The following ZNF331 variants were observed in gnomAD, a reference collection of about 807,000 sequenced individuals.
The protein encoded by ZNF331 is C2H2-like zinc finger protein rearranged in thyroid adenomas.
Under a neutral mutation model 7.0 loss-of-function variants are expected in ZNF331, and 2 were observed. The ratio of observed to expected loss-of-function variants is 0.29; its 90% CI spans 0.12 to 0.90. The LOEUF (loss-of-function observed/expected upper bound fraction) is 0.90. Ranked by LOEUF, ZNF331 falls within the 40% of genes least tolerant of loss-of-function variation. ZNF331 has a pLI of 0.58. For synonymous variants in ZNF331, 196 were observed against 205.4 expected, an observed-to-expected ratio of 0.95 and a Z score of 0.39; for missense variants, 432 against 587.7, an observed-to-expected ratio of 0.74 and a Z score of 2.74.
the ZNF331 span, among the ~76,000 whole-genome samples, chr19:53,505,425 C>T: frequency 6.6e-6 from 1 of 152,152 alleles, no homozygotes; most frequent in Non-Finnish European, 1.5e-5. Flanking sequence ...TCTCGAGCTC[C>T]TGGGCTCAAG....
chr19:53,507,552 G>T, the ZNF331 span, among the ~76,000 whole-genome samples: 2 of 152,100 alleles, frequency 1.3e-5, no homozygotes, highest in Admixed American at 1.3e-4. Flanking sequence ...TGGCATTATG[G>T]GGTCCCAAAT....
chr19:53,517,726 G>A (rs1225471240), upstream of ZNF331, among the ~76,000 whole-genome samples: 1 of 152,176 alleles, frequency 6.6e-6, no homozygotes, highest in Non-Finnish European at 1.5e-5. Context: ...GAAGAAAGAA[G>A]CCAGTAGTGG....
At chr19:53,568,687 G>A (rs908784793) in intron 3 of ZNF331, among the ~76,000 whole-genome samples, 2 of 151,204 alleles carry the variant, frequency 1.3e-5, no homozygotes, top group South Asian at 2.1e-4. Flanking sequence ...CCACCCATCC[G>A]TCCCCGACAG....
At chr19:53,546,140 G>GAAAGAAAAAAAAAAAAAAAAAAAAA (rs2088588087) in intron 2 of ZNF331, among the ~76,000 whole-genome samples, 1 of 113,484 alleles carries the variant, frequency 8.8e-6, no homozygotes, top group Non-Finnish European at 1.9e-5. Context: ...TCCTGAGGGG[G>GAAAGAAAAAAAAAAAAAAAAAAAAA]AAAAAAAAAA....
intron 2 of ZNF331, among the ~76,000 whole-genome samples, chr19:53,544,307 A>T (rs2088416426): frequency 6.6e-6 from 1 of 151,120 alleles, no homozygotes; most frequent in Admixed American, 6.6e-5. Flanking sequence ...GCACTTTGGG[A>T]GGCCAAGGTG....
At chr19:53,550,906 A>G (rs527675134) in intron 2 of ZNF331, among the ~76,000 whole-genome samples, 4 of 143,774 alleles carry the variant, frequency 2.8e-5, no homozygotes. Flanking sequence ...TCTGGAGTGC[A>G]AGGTGCAATC....
rs759643707 is a variant in ZNF331 at position 53,545,191 on chromosome 19, A to G, written c.-138+5909A>G. On this transcript the variant is annotated intron_variant, in intron 2 of 5. Transcript: ENST00000449416. Reference sequence around the variant, plus strand: ...TTTTCTTGATCGCTCTTTCACATACATTTATGTACTTCTGTTTTCTTGTCT... The same window carrying G: ...TTTTCTTGATCGCTCTTTCACATACGTTTATGTACTTCTGTTTTCTTGTCT... Among the ~76,000 whole-genome samples the G allele has an allele frequency of 5.8e-4, 89 of 152,156 alleles. 1 individual carries two copies. Among genetic ancestry groups the G allele is most frequent in the Non-Finnish European group, 1.1e-3 (78 of 68,026 alleles).
intron 3 of ZNF331, among the ~76,000 whole-genome samples, chr19:53,562,971 G>C (rs944438813): frequency 2.0e-5 from 3 of 151,946 alleles, no homozygotes; most frequent in African/African-American, 7.2e-5. Flanking sequence ...CTCAGCAACA[G>C]AGTGAGACTG....
At chr19:53,530,609 G>A (rs1320278043) in intron 2 of ZNF331, among the ~76,000 whole-genome samples, 1 of 152,214 alleles carries the variant, frequency 6.6e-6, no homozygotes, top group Non-Finnish European at 1.5e-5. Flanking sequence ...TGAAGGACAA[G>A]TTCAGAGGTA....
Position 53,558,059 on chromosome 19 carries a change from T to A in ZNF331, c.-74+2151T>A, listed in dbSNP as rs558262232. On this transcript the variant is annotated intron_variant, in intron 3 of 5. Transcript: ENST00000449416. This position sits in a 1 kb window ranked among gnomAD's most constrained non-coding sequence, Gnocchi z 4.5. ...CCTGCAGTTCAGTTCTGACACCATC[T>A]ACCTGGAGATGGCATCAGATTCCAC... 2.0e-4 allele frequency among the ~76,000 whole-genome samples: 30 copies of A among 152,304 alleles called. No individual in the cohort carries two copies. The highest frequency in any genetic ancestry group is 7.0e-4 in the African/African-American group (29 of 41,574).
chr19:53,538,475 G>A (rs535976994), intron 1 of ZNF331, 179 bp downstream of exon 1: 31 of 152,752 alleles, frequency 2.0e-4, no homozygotes, highest in African/African-American at 6.3e-4. Context: ...TGCGTCCCTG[G>A]GACTCTGCTC....
chr19:53,551,720 TTTC>T (rs1211843962), intron 2 of ZNF331, among the ~76,000 whole-genome samples: 4 of 152,038 alleles, frequency 2.6e-5, no homozygotes, highest in Non-Finnish European at 5.9e-5. Flanking sequence ...TGTACAGACT[TTTC>T]TTCTCATTAT....
intron 5 of ZNF331, among the ~76,000 whole-genome samples, chr19:53,575,499 C>CTT (rs34296898): frequency 0.022 from 1,639 of 75,922 alleles, 45 homozygotes; most frequent in Non-Finnish European, 0.028. Flanking sequence ...TACCCAGTTG[C>CTT]TTTTTTTTTT....
intron 3 of ZNF331, among the ~76,000 whole-genome samples, chr19:53,567,405 C>T (rs1003037251): frequency 6.6e-6 from 1 of 152,128 alleles, no homozygotes; most frequent in Non-Finnish European, 1.5e-5. Flanking sequence ...ATACTCTGAG[C>T]ACCCACTGTC....
At chr19:53,507,518 TCTC>T in the ZNF331 span, among the ~76,000 whole-genome samples, 1 of 152,144 alleles carries the variant, frequency 6.6e-6, no homozygotes, top group South Asian at 2.1e-4. Context: ...TTTATGCCCT[TCTC>T]CACGGTCTGA....
intron 3 of ZNF331, among the ~76,000 whole-genome samples, chr19:53,559,432 CCATATATA>C (rs1326826897): frequency 2.0e-5 from 3 of 150,358 alleles, no homozygotes; most frequent in Non-Finnish European, 4.4e-5. Flanking sequence ...TACACACACA[CCATATATA>C]CATATATACA....
rs531130230 is a variant in ZNF331, at chr19:53,573,851, G to T, written c.136+2121G>T. Among the ~76,000 whole-genome samples the T allele has an allele frequency of 1.3e-5, 2 of 152,122 alleles. No homozygotes were observed. The highest frequency in any genetic ancestry group is 4.1e-4 in the South Asian group (2 of 4,826). ...TTTAAGGCCAGGCATGGTGGTTCAC[G>T]CCTATAATCCCAGCACTTTGGGAGT... On this transcript the variant is annotated intron_variant, in intron 5 of 5. Transcript: ENST00000449416. The surrounding 1 kb of genome is among the most constrained non-coding windows in gnomAD (Gnocchi z 4.2).
chr19:53,550,854 T>C (rs2088956435), intron 2 of ZNF331, among the ~76,000 whole-genome samples: 1 of 146,826 alleles, frequency 6.8e-6, no homozygotes, highest in South Asian at 2.2e-4. Flanking sequence ...TTTTTTTTTT[T>C]TTTTCTTTTT....
upstream of ZNF331, among the ~76,000 whole-genome samples, chr19:53,536,912 C>A (rs1468356554): frequency 1.3e-5 from 2 of 151,998 alleles, no homozygotes; most frequent in Admixed American, 1.3e-4. Context: ...TCAAAACAAA[C>A]AAACAAACAA....
Sources: allele counts gnomAD v4.1 joint callset (sites outside exome capture counted in the v4.1 genomes callset), GRCh38; gene constraint gnomAD v4.1.1; non-coding constraint Gnocchi (gnomAD v3.1); transcripts MANE v1.5; gene names NCBI Gene and HGNC (gene_info 2026-07-23, HGNC 2026-07-21).